The following NDUFA10 variants were observed in gnomAD, a reference collection of about 807,000 sequenced individuals.
The protein encoded by NDUFA10 is NADH:ubiquinone oxidoreductase subunit A10, also known as NADH dehydrogenase [ubiquinone] 1 alpha subcomplex subunit 10, mitochondrial.
In NDUFA10, 40 loss-of-function variants were observed where a neutral mutation model predicts 47.8. The observed-to-expected ratio is 0.84, with a 90% confidence interval of 0.65 to 1.09. The LOEUF is 1.09. Ranked by LOEUF, NDUFA10 falls within the 50% of genes least tolerant of loss-of-function variation. NDUFA10 has a pLI of 0.00. For synonymous variants in NDUFA10, 183 were observed against 172.2 expected (o/e 1.06, Z -0.49); for missense variants, 413 against 451.1 (o/e 0.92, Z 0.76).
intron 9 of NDUFA10, among the ~76,000 whole-genome samples, chr2:239,985,090 A>C (rs2106435039): frequency 6.6e-6 from 1 of 152,304 alleles, no homozygotes; most frequent in African/African-American, 2.4e-5. Context: ...ACTCCAGGCA[A>C]AGTCTCCACA....
rs1158821171 is a variant in NDUFA10 at position 239,990,080 on chromosome 2, G to A, written c.993C>T (p.Phe331=). Residue 331 remains phenylalanine, a synonymous_variant, in exon 9 of 10, where the codon TTC becomes TTT. Transcript: ENST00000252711. The stretch of plus-strand genomic sequence containing the variant: ...TCCATTTCCACAGTCTTACCTCTCT[G>A]AACTGATGTAAGACACGGTCAGTCT... ...AHQTDRVLHQ[F]RELPGRKYSP... The A allele has an allele frequency of 6.2e-7, 1 of 1,604,182 alleles. No homozygotes were observed. The highest frequency in any genetic ancestry group is 8.5e-7 in the Non-Finnish European group (1 of 1,171,100).
intron 4 of NDUFA10, among the ~76,000 whole-genome samples, chr2:239,923,073 A>T (rs1694015149): frequency 6.6e-6 from 1 of 152,224 alleles, no homozygotes; most frequent in Admixed American, 6.5e-5. Context: ...CAGGGACAAA[A>T]GAGGCCATTA....
intron 4 of NDUFA10, among the ~76,000 whole-genome samples, chr2:239,898,612 C>G (rs1440645077): frequency 2.6e-5 from 4 of 152,244 alleles, no homozygotes; most frequent in Admixed American, 1.3e-4. Flanking sequence ...GCCTCTCCTT[C>G]CTCTCCTTCC....
At chr2:239,961,535 G>A (rs1486010372) in intron 9 of NDUFA10, among the ~76,000 whole-genome samples, 2 of 152,200 alleles carry the variant, frequency 1.3e-5, no homozygotes, top group Non-Finnish European at 2.9e-5. Context: ...GGACAGCCAC[G>A]CAGACACAGG....
At chr2:239,979,380 A>AACAC (rs1460317426) in intron 9 of NDUFA10, among the ~76,000 whole-genome samples, 1 of 152,008 alleles carries the variant, frequency 6.6e-6, no homozygotes, top group African/African-American at 2.4e-5. Context: ...CAGGAGAGGC[A>AACAC]ACACAGCAGA....
chr2:240,023,611 G>A (rs551031176), intron 1 of NDUFA10, among the ~76,000 whole-genome samples: 4 of 152,116 alleles, frequency 2.6e-5, no homozygotes, highest in East Asian at 3.9e-4. Flanking sequence ...GTCCAACAAC[G>A]GAGGAATAGT....
chr2:239,928,971 C>G lies in NDUFA10; in HGVS notation c.295-33657G>C, dbSNP rs1694110848. Among the ~76,000 whole-genome samples the G allele has an allele frequency of 6.6e-6, 1 of 152,364 alleles. No homozygotes were observed. Among genetic ancestry groups the G allele is most frequent in the East Asian group, 1.9e-4 (1 of 5,180 alleles). ...GGTCAGGAGCCCCCGACTCTTCCTCCTGCACCTACTCCTGTCTCTGTCCAG... is the reference window on the plus strand; with the variant it reads ...GGTCAGGAGCCCCCGACTCTTCCTCGTGCACCTACTCCTGTCTCTGTCCAG... On this transcript the variant is annotated intron_variant, in intron 4 of 5. Transcript: ENST00000419408. The surrounding 1 kb of genome is among the most constrained non-coding windows in gnomAD (Gnocchi z 4.3).
At chr2:239,905,481 G>A (rs1401023897) in intron 4 of NDUFA10, among the ~76,000 whole-genome samples, 1 of 152,264 alleles carries the variant, frequency 6.6e-6, no homozygotes, top group African/African-American at 2.4e-5. Context: ...TGTGGTGGCG[G>A]GGTATGTGCG....
intron 9 of NDUFA10, among the ~76,000 whole-genome samples, chr2:239,963,405 G>C (rs1301634308): frequency 2.0e-5 from 3 of 152,166 alleles, no homozygotes; most frequent in Non-Finnish European, 4.4e-5. Context: ...CAGGAAGACC[G>C]CAAGAGAGGG....
intron 4 of NDUFA10, among the ~76,000 whole-genome samples, chr2:239,936,366 A>C (rs1694266085): frequency 6.6e-6 from 1 of 152,258 alleles, no homozygotes; most frequent in South Asian, 2.1e-4. Context: ...AAGTGGGGGC[A>C]GGGAAATAAA....
chr2:239,932,103 G>A (rs917532797), intron 4 of NDUFA10, among the ~76,000 whole-genome samples: 1 of 150,964 alleles, frequency 6.6e-6, no homozygotes, highest in African/African-American at 2.5e-5. Context: ...CAAAGTGCTG[G>A]GATTACAGGC....
At position 239,928,755 on chromosome 2, in the gene NDUFA10, C is replaced by G. The variant is rs1195742338; in HGVS notation, c.295-33441G>C. 6.6e-6 allele frequency among the ~76,000 whole-genome samples: 1 copy of G among 152,214 alleles called. No individual in the cohort carries two copies. Among genetic ancestry groups the G allele is most frequent in the Non-Finnish European group, 1.5e-5 (1 of 68,046 alleles). The stretch of plus-strand genomic sequence containing the variant: ...TGTGCAAGGATGTCAGACCCTTCCG[C>G]GTTCCCTGCAGCGTCCCTTCCAAAC... On this transcript the variant is annotated intron_variant, in intron 4 of 5. Transcript: ENST00000419408. This position sits in a 1 kb window ranked among gnomAD's most constrained non-coding sequence, Gnocchi z 4.3.
intron 4 of NDUFA10, among the ~76,000 whole-genome samples, chr2:239,921,364 G>T (rs963358061): frequency 6.8e-6 from 1 of 146,440 alleles, no homozygotes; most frequent in Non-Finnish European, 1.5e-5. Flanking sequence ...AGCTTCTACA[G>T]CGTGGAAAGG....
At chr2:239,983,621 C>T (rs1402122794) in intron 9 of NDUFA10, 18 of 1,589,052 alleles carry the variant, frequency 1.1e-5, no homozygotes, top group East Asian at 6.9e-5. Context: ...CAGGAGCCCA[C>T]GGTCAGGGCC....
chr2:239,988,100 C>T (rs1040918490), intron 9 of NDUFA10, among the ~76,000 whole-genome samples: 1 of 151,886 alleles, frequency 6.6e-6, no homozygotes, highest in Non-Finnish European at 1.5e-5. Context: ...GATAAATATC[C>T]TAAATATTCA....
intron 4 of NDUFA10, among the ~76,000 whole-genome samples, chr2:239,949,034 G>A (rs1252247528): frequency 1.3e-5 from 2 of 152,152 alleles, no homozygotes; most frequent in Non-Finnish European, 2.9e-5. Flanking sequence ...TTCCTGCCTT[G>A]CAGGCTTTCT....
chr2:239,969,659 G>A (rs1174734536), intron 9 of NDUFA10: 5 of 471,072 alleles, frequency 1.1e-5, no homozygotes, highest in African/African-American at 8.0e-5. Flanking sequence ...AAGAGCAAAG[G>A]CTCTCCTGCC....
chr2:239,907,870 C>T (rs1443395521), intron 4 of NDUFA10, among the ~76,000 whole-genome samples: 1 of 152,114 alleles, frequency 6.6e-6, no homozygotes, highest in Non-Finnish European at 1.5e-5. Flanking sequence ...CTAGAAATAC[C>T]ATTTGACCCA....
intron 1 of NDUFA10, among the ~76,000 whole-genome samples, chr2:240,024,145 T>C (rs1200843426): frequency 6.6e-6 from 1 of 152,262 alleles, no homozygotes; most frequent in East Asian, 1.9e-4. Flanking sequence ...GATATAAAAA[T>C]GTATTTCCAA....
Sources: gnomAD v4.1 joint callset for allele counts (sites outside exome capture counted in the v4.1 genomes callset) on GRCh38, gnomAD v4.1.1 for gene constraint, Gnocchi (gnomAD v3.1) non-coding constraint, MANE v1.5 for transcripts, NCBI Gene and HGNC (gene_info 2026-07-23, HGNC 2026-07-21) for gene names.